The following CD160 variants were observed in gnomAD, a reference collection of about 807,000 sequenced individuals.
The protein encoded by CD160 is CD160 antigen.
In CD160, 11 loss-of-function variants were observed where a neutral mutation model predicts 19.2. The ratio of observed to expected loss-of-function variants is 0.57; its 90% CI spans 0.36 to 0.95. The LOEUF (loss-of-function observed/expected upper bound fraction) is 0.95. Ranked by LOEUF, CD160 falls within the 40% of genes least tolerant of loss-of-function variation. The pLI is 0.01. For synonymous variants in CD160, 75 were observed against 81.1 expected (o/e 0.93, Z 0.40); for missense variants, 182 against 213.2 (o/e 0.85, Z 0.91).
intron 1 of CD160, among the ~76,000 whole-genome samples, chr1:145,723,262 C>A (rs1181899607): frequency 2.0e-5 from 3 of 152,066 alleles, no homozygotes; most frequent in Non-Finnish European, 4.4e-5. Flanking sequence ...CTTAGATTTT[C>A]TTTTATGTTC....
chr1:145,730,656 T>C, intron 3 of CD160, 88 bp from the exon 4 acceptor site: 1 of 1,076,722 alleles, frequency 9.3e-7, no homozygotes, highest in Non-Finnish European at 1.4e-6. Context: ...CAGTCCTTCC[T>C]TGAAGACTTC....
chr1:145,733,620 T>A (rs1390792391), intron 4 of CD160, among the ~76,000 whole-genome samples: 1 of 152,186 alleles, frequency 6.6e-6, no homozygotes, highest in Non-Finnish European at 1.5e-5. Context: ...TGTCTTCCTG[T>A]CTGACCTAGC....
intron 1 of CD160, among the ~76,000 whole-genome samples, chr1:145,720,037 CT>C (rs1415332963): frequency 6.6e-6 from 1 of 152,182 alleles, no homozygotes; most frequent in Non-Finnish European, 1.5e-5. Context: ...TTTCACTAAT[CT>C]TTAATTGAAA....
At chr1:145,725,145 C>A (rs775495381) in intron 2 of CD160, among the ~76,000 whole-genome samples, 1 of 151,388 alleles carries the variant, frequency 6.6e-6, no homozygotes, top group Admixed American at 6.6e-5. Context: ...CTAGGCCGGG[C>A]GTGGTGGTTC....
Position 145,736,135 on chromosome 1 carries a change from G to C in CD160, c.538+1G>C, listed in dbSNP as rs185729292. 56 of 1,614,004 alleles carry C rather than the reference G, an allele frequency of 3.5e-5. No individual in the cohort carries two copies. Among genetic ancestry groups the C allele is most frequent in the Non-Finnish European group, 4.7e-5 (55 of 1,180,024 alleles). Reference sequence around the variant, plus strand: ...GTCACCAGCCTTGTGGCCCTTCAAGGTATGTCCAAAAGAGCCGTAAGCACC... The same window carrying C: ...GTCACCAGCCTTGTGGCCCTTCAAGCTATGTCCAAAAGAGCCGTAAGCACC... On this transcript the variant is annotated splice_donor_variant, in intron 5 of 5. Coordinates refer to ENST00000369288, the MANE Select transcript of CD160 (RefSeq NM_007053.4). LOFTEE classifies it high-confidence loss of function.
At chr1:145,728,171 A>G (rs1335277414) in intron 2 of CD160, 85 bp from the exon 3 acceptor site, 19 of 618,242 alleles carry the variant, frequency 3.1e-5, no homozygotes, top group Non-Finnish European at 5.3e-5. Flanking sequence ...ATCATACTCT[A>G]GCCAATCAAA....
intron 4 of CD160, among the ~76,000 whole-genome samples, chr1:145,733,712 T>C (rs1341864685): frequency 1.3e-5 from 2 of 152,188 alleles, no homozygotes; most frequent in African/African-American, 2.4e-5. Flanking sequence ...CTCCCCTGGC[T>C]GTTCTACCCA....
intron 1 of CD160, 91 bp from the exon 2 acceptor site, chr1:145,724,710 A>G (rs72704258): frequency 6.6e-6 from 1 of 152,150 alleles, no homozygotes; most frequent in Non-Finnish European, 1.5e-5. Context: ...ACCTTATTCC[A>G]TTTGTCATGG....
At chr1:145,736,276 AG>A in intron 5 of CD160, 142 bp downstream of exon 5, 1 of 1,555,628 alleles carries the variant, frequency 6.4e-7, no homozygotes, top group Non-Finnish European at 8.7e-7. Flanking sequence ...GGCTATCCAC[AG>A]GAAAGTTCAA....
chr1:145,734,625 T>G (rs1360821373), intron 4 of CD160, among the ~76,000 whole-genome samples: 2 of 152,246 alleles, frequency 1.3e-5, no homozygotes, highest in Non-Finnish European at 2.9e-5. Context: ...AACACAGTCC[T>G]TGCTCCTTAT....
In CD160 at chr1:145,730,763, C is replaced by G. The variant is rs371696296; in HGVS notation, c.93C>G (p.Ser31Arg). The G allele has an allele frequency of 1.1e-5, 17 of 1,613,008 alleles. No individual in the cohort carries two copies. Among genetic ancestry groups the G allele is most frequent in the Non-Finnish European group, 1.4e-5 (17 of 1,179,984 alleles). ...TTCCAGGATGCATTAACATCACCAG[C>G]TCAGCTTCCCAGGAAGGAACGCGAC... ...IQSGGCINIT[S>R]SASQEGTRLN... Residue 31 changes from serine (S) to arginine (R), a missense_variant, in exon 4 of 6, where the codon AGC (serine) becomes AGG (arginine). By Grantham distance (110) the Ser-to-Arg change is moderately radical (BLOSUM62 -1). Coordinates refer to ENST00000369288, the MANE Select transcript of CD160 (RefSeq NM_007053.4).
chr1:145,738,434 T>A (rs1237736754), intron 5 of CD160, 52 bp from the exon 6 acceptor site: 15 of 1,254,426 alleles, frequency 1.2e-5, no homozygotes, highest in Non-Finnish European at 1.6e-5. Context: ...ATATCAGGTA[T>A]TTTGTTGCTA....
At chr1:145,721,074 C>T (rs1198181336) in intron 1 of CD160, among the ~76,000 whole-genome samples, 1 of 152,202 alleles carries the variant, frequency 6.6e-6, no homozygotes, top group Non-Finnish European at 1.5e-5. Context: ...CCGCCCCTGG[C>T]GTGTAGTGGG....
chr1:145,736,207 C>T, intron 5 of CD160, 73 bp downstream of exon 5: 3 of 1,606,718 alleles, frequency 1.9e-6, no homozygotes, highest in Non-Finnish European at 2.6e-6. Flanking sequence ...TGGTTATTCT[C>T]CAGGAGGAGA....
At chr1:145,723,381 C>T (rs587694589) in intron 1 of CD160, among the ~76,000 whole-genome samples, 5 of 152,130 alleles carry the variant, frequency 3.3e-5, no homozygotes, top group African/African-American at 1.2e-4. Context: ...GGAACTTTTC[C>T]TTCTACCATA....
intron 1 of CD160, among the ~76,000 whole-genome samples, chr1:145,721,651 C>T (rs368665988): frequency 2.6e-5 from 4 of 152,264 alleles, no homozygotes; most frequent in Admixed American, 2.6e-4. Flanking sequence ...AGGAAACACG[C>T]CTAGAGAAGG....
chr1:145,730,677 G>T (rs1019567559), intron 3 of CD160, 67 bp from the exon 4 acceptor site: 2 of 1,294,424 alleles, frequency 1.5e-6, no homozygotes, highest in African/African-American at 1.4e-5. Flanking sequence ...TAGTGATAAG[G>T]AGCAGTTACG....
chr1:145,736,620 T>A (rs1657506535), intron 5 of CD160: 1 of 155,570 alleles, frequency 6.4e-6, no homozygotes, highest in Non-Finnish European at 1.4e-5. Flanking sequence ...GTTTTCCCTA[T>A]TAGATAACAA....
chr1:145,719,603 G>C (rs968951231), intron 1 of CD160, 44 bp downstream of exon 1: 1 of 152,326 alleles, frequency 6.6e-6, no homozygotes, highest in East Asian at 1.9e-4. Flanking sequence ...TGAAGGGATG[G>C]GATGGTTGAC....
Sources: allele counts gnomAD v4.1 joint callset (sites outside exome capture counted in the v4.1 genomes callset), GRCh38; gene constraint gnomAD v4.1.1; transcripts MANE v1.5; gene names NCBI Gene and HGNC (gene_info 2026-07-23, HGNC 2026-07-21).